Variants in EIF2B5 observed in about 807,000 individuals in gnomAD.
The protein encoded by EIF2B5 is translation initiation factor eIF2B subunit epsilon.
A neutral mutation model predicts 87.3 loss-of-function variants in EIF2B5; 38 were observed. The observed-to-expected ratio is 0.44, with a 90% CI of 0.34 to 0.57. The LOEUF (loss-of-function observed/expected upper bound fraction) is 0.57, where lower values mean the gene tolerates loss of function less well. Among genes scored for constraint, EIF2B5 ranks in the 20% least tolerant of loss-of-function variants. EIF2B5 has a pLI of 0.02. For synonymous variants in EIF2B5, 313 were observed against 339.6 expected, an observed-to-expected ratio of 0.92 and a Z score of 0.86; for missense variants, 784 against 909.5, an observed-to-expected ratio of 0.86 and a Z score of 1.78.
At chr3:184,144,492 G>A (rs569724701) in intron 14 of EIF2B5, 105 bp from the exon 15 acceptor site, 76 of 1,139,224 alleles carry the variant, frequency 6.7e-5, no homozygotes, top group Middle Eastern at 5.5e-4. Flanking sequence ...ACTCTTGTCC[G>A]TTTTGGAGGA....
At chr3:184,138,366 T>C in intron 5 of EIF2B5, 120 bp downstream of exon 5, 2 of 1,026,824 alleles carry the variant, frequency 1.9e-6, no homozygotes, top group Admixed American at 1.9e-5. Context: ...ATTTTTACTT[T>C]TATTTTTTGA....
rs761140018 is a variant in EIF2B5 at position 184,135,509 on chromosome 3, C to T, written c.124C>T (p.Pro42Ser). 3 of 1,585,296 alleles carry T rather than the reference C, an allele frequency of 1.9e-6. No homozygotes were observed. The highest frequency in any genetic ancestry group is 2.7e-5 in the African/African-American group (2 of 74,298). ...ARGAEEEPPPPLQAVLVADSF... is the reference protein window; with the variant it reads ...ARGAEEEPPPSLQAVLVADSF... Reference sequence around the variant, plus strand: ...AGGGGCGGAGGAGGAACCGCCGCCGCCCCTACAAGCAGTTCTGGTGGCCGA... The same window carrying T: ...AGGGGCGGAGGAGGAACCGCCGCCGTCCCTACAAGCAGTTCTGGTGGCCGA... Residue 42 changes from proline (P) to serine (S), a missense_variant, in exon 1 of 16, where the codon CCC becomes TCC. Transcript: ENST00000648915.
chr3:184,135,515 C>CA lies in EIF2B5; in HGVS notation c.132dup (p.Ala45SerfsTer7). ...GGAGGAGGAACCGCCGCCGCCCCTACAAGCAGTTCTGGTGGCCGATAGCTT... is the reference window on the plus strand; with the variant it reads ...GGAGGAGGAACCGCCGCCGCCCCTACAAAGCAGTTCTGGTGGCCGATAGCTT... On this transcript the variant is annotated frameshift_variant, in exon 1 of 16. Transcript: ENST00000648915. LOFTEE classifies it high-confidence loss of function. 1 of 1,588,352 alleles carries CA rather than the reference C, an allele frequency of 6.3e-7. No individual in the cohort carries two copies. Among genetic ancestry groups the CA allele is most frequent in the Non-Finnish European group, 8.6e-7 (1 of 1,168,226 alleles).
rs1056724104 is a variant in EIF2B5, at chr3:184,144,347, C to T, written c.1995+123C>T. ...GTATGGACCATCCACTCCCAATATG[C>T]TTATTGCTAGAATAGTACAGCTTGG... On this transcript the variant is annotated intron_variant, in intron 14 of 15. Transcript: ENST00000648915. The T allele has an allele frequency of 1.2e-5, 18 of 1,483,346 alleles. No homozygotes were observed. In the African/African-American group the frequency reaches 2.2e-4, roughly 18 times the overall value. 91.9% of individuals were successfully genotyped at this position (1,483,346 alleles called of 1,614,324 possible).
Position 184,143,044 on chromosome 3 carries a change from G to C in EIF2B5, c.1655-8G>C. On this transcript the variant is annotated splice_region_variant and splice_polypyrimidine_tract_variant and intron_variant, in intron 11 of 15. Coordinates refer to ENST00000648915, the MANE Select transcript of EIF2B5 (RefSeq NM_003907.3). ...TGGCCCATGAACTTATCCTTGCTTTGATTTCAGTGTTCCAGAATGAAGTTT... is the reference window on the plus strand; with the variant it reads ...TGGCCCATGAACTTATCCTTGCTTTCATTTCAGTGTTCCAGAATGAAGTTT... The C allele has an allele frequency of 6.2e-7, 1 of 1,612,698 alleles. No homozygotes were observed. Among genetic ancestry groups the C allele is most frequent in the Non-Finnish European group, 8.5e-7 (1 of 1,179,410 alleles).
rs1220226200 is a variant in EIF2B5 at position 184,135,413 on chromosome 3, G to C, written c.28G>C (p.Gly10Arg). Reference protein sequence around the residue: MAAPVVAPPGVVVSRANKRS... With the variant: MAAPVVAPPRVVVSRANKRS... ...GGCGGCCCCTGTAGTGGCGCCGCCT[G>C]GTGTGGTGGTTAGTCGGGCTAACAA... The change falls in exon 1 of 16, where the codon GGT becomes CGT. Residue 10 changes from glycine (G) to arginine (R), a missense_variant. Physicochemically the swap from Gly to Arg is moderately radical, Grantham distance 125. Coordinates refer to ENST00000648915, the MANE Select transcript of EIF2B5 (RefSeq NM_003907.3). The C allele has an allele frequency of 6.3e-7, 1 of 1,581,948 alleles. No individual in the cohort carries two copies. Among genetic ancestry groups the C allele is most frequent in the African/African-American group, 1.3e-5 (1 of 74,764 alleles).
At position 184,136,665 on chromosome 3, in the gene EIF2B5, GA is replaced by G; in HGVS notation, c.250del (p.Thr84LeufsTer24). ...TAATTGACTACACTCTGGAATTCCT[GA>G]CTGCCACAGGTGTACAGGAAACATT... is the stretch of plus-strand genomic sequence containing the variant. ...ALIDYTLEFL[T>X]ATGVQETFVF... is the part of the protein sequence containing the mutation. On this transcript the variant is annotated frameshift_variant, in exon 2 of 16. Transcript: ENST00000648915. LOFTEE classifies it high-confidence loss of function. 1.2e-6 allele frequency: 2 copies of G among 1,614,122 alleles called. No individual in the cohort carries two copies. Among genetic ancestry groups the G allele is most frequent in the Non-Finnish European group, 1.7e-6 (2 of 1,180,030 alleles).
At chr3:184,140,260 G>A in intron 6 of EIF2B5, 103 bp downstream of exon 6, 2 of 1,436,992 alleles carry the variant, frequency 1.4e-6, no homozygotes, top group Non-Finnish European at 2.0e-6. Context: ...TGAGGCTTAG[G>A]AGGGAGGAAA....
chr3:184,137,217 C>G, intron 2 of EIF2B5: 2 of 352,312 alleles, frequency 5.7e-6, no homozygotes, highest in Non-Finnish European at 1.1e-5. Flanking sequence ...TTATGGAAGT[C>G]CAGGATGTAA....
rs191351706 is a variant in EIF2B5, at chr3:184,142,242, C to G, written c.1308C>G (p.Val436=). The stretch of plus-strand genomic sequence containing the variant: ...TGTGTTTTTTTTCCCCTTAGGTGGT[C>G]GTGGGCCCAAATATCACGCTGCCTG... The part of the protein sequence containing the change: ...KPRSVLTSQV[V]VGPNITLPEG... The change falls in exon 9 of 16, where the codon GTC becomes GTG. Residue 436 remains valine (V), a synonymous_variant. Transcript: ENST00000648915. This position sits in a 1 kb window ranked among gnomAD's most constrained non-coding sequence, Gnocchi z 5.0. 3 of 1,613,988 alleles carry G rather than the reference C, an allele frequency of 1.9e-6. No homozygotes were observed. Among genetic ancestry groups the G allele is most frequent in the Non-Finnish European group, 2.5e-6 (3 of 1,180,016 alleles).
Position 184,142,761 on chromosome 3 carries a change from C to T in EIF2B5, c.1547-18C>T, listed in dbSNP as rs1229308978. ...ATGACTCTTTTTTTCTTTTTCCTCA[C>T]CCATTATGGCTTCTCAGGACTCAAG... On this transcript the variant is annotated intron_variant, in intron 10 of 15. Coordinates refer to ENST00000648915, the MANE Select transcript of EIF2B5 (RefSeq NM_003907.3). This position sits in a 1 kb window ranked among gnomAD's most constrained non-coding sequence, Gnocchi z 5.0. The T allele has an allele frequency of 1.2e-6, 2 of 1,610,030 alleles. No individual in the cohort carries two copies. Among genetic ancestry groups the T allele is most frequent in the Non-Finnish European group, 1.7e-6 (2 of 1,177,312 alleles).
Position 184,142,886 on chromosome 3 carries a change from G to A in EIF2B5, c.1654G>A (p.Val552Met). Residue 552 changes from valine (V) to methionine (M), a missense_variant and splice_region_variant, in exon 11 of 16, where the codon GTG becomes ATG. Val to Met is a conservative substitution (Grantham distance 21). Around this residue, in one of 3 missense-constraint regions of EIF2B5, gnomAD observed 660 missense variants for 789.5 expected, o/e 0.84. Coordinates refer to ENST00000648915, the MANE Select transcript of EIF2B5 (RefSeq NM_003907.3). This position sits in a 1 kb window ranked among gnomAD's most constrained non-coding sequence, Gnocchi z 5.0. The stretch of plus-strand genomic sequence containing the variant: ...CTCCCCTCAGATGGATGACATCAAA[G>A]GTGAGTGGCAGGGGAGAAATGCGCT... ...GGSPQMDDIK[V>M]FQNEVLGTLQ... 4 of 1,612,962 alleles carry A rather than the reference G, an allele frequency of 2.5e-6. No homozygotes were observed. Among genetic ancestry groups the A allele is most frequent in the Non-Finnish European group, 3.4e-6 (4 of 1,179,432 alleles).
intron 5 of EIF2B5, 34 bp downstream of exon 5, chr3:184,138,280 A>G (rs1171220143): frequency 1.3e-6 from 2 of 1,586,332 alleles, no homozygotes; most frequent in Non-Finnish European, 8.7e-7. Context: ...GCACACCCAA[A>G]GAGTAGAACT....
rs752278225 is a variant in EIF2B5, at chr3:184,140,173, CA to C, written c.843+18del. On this transcript the variant is annotated intron_variant, in intron 6 of 15. Coordinates refer to ENST00000648915, the MANE Select transcript of EIF2B5 (RefSeq NM_003907.3). ...GAATGAGGAGGTGAGAAAAGTCTTC[CA>C]ATGCCTCTTTAGGAGAGAGGAGAAG... 5 of 1,607,382 alleles carry C rather than the reference CA, an allele frequency of 3.1e-6. No individual in the cohort carries two copies. In the Admixed American group the frequency reaches 8.3e-5, roughly 27 times the overall value.
chr3:184,137,897 G>A lies in EIF2B5; in HGVS notation c.507-1G>A. 6.2e-7 allele frequency: 1 copy of A among 1,614,202 alleles called. No individual in the cohort carries two copies. The highest frequency in any genetic ancestry group is 8.5e-7 in the Non-Finnish European group (1 of 1,180,048). On this transcript the variant is annotated splice_acceptor_variant, in intron 3 of 15. Coordinates refer to ENST00000648915, the MANE Select transcript of EIF2B5 (RefSeq NM_003907.3). LOFTEE classifies it high-confidence loss of function. ...AGTTCTGTCCCTCCTGTCCTTTATAGGTTGAGACGGAAGCTAGAAAAAAAT... is the reference window on the plus strand; with the variant it reads ...AGTTCTGTCCCTCCTGTCCTTTATAAGTTGAGACGGAAGCTAGAAAAAAAT...
intron 15 of EIF2B5, 40 bp downstream of exon 15, chr3:184,144,747 C>T: frequency 3.1e-6 from 5 of 1,597,602 alleles, no homozygotes; most frequent in Non-Finnish European, 4.3e-6. Flanking sequence ...ATGGTTATCT[C>T]ATTCCCAGGT....
At position 184,140,530 on chromosome 3, in the gene EIF2B5, A is replaced by G. The variant is rs759376966; in HGVS notation, c.956A>G (p.Tyr319Cys). 4 of 1,614,028 alleles carry G rather than the reference A, an allele frequency of 2.5e-6. No homozygotes were observed. The highest frequency in any genetic ancestry group is 2.2e-5 in the East Asian group (1 of 44,884). ...VCADVIRRWVYPLTPEANFTD... is the reference protein window; with the variant it reads ...VCADVIRRWVCPLTPEANFTD... ...GCTGACGTCATCCGCCGATGGGTCT[A>G]CCCTCTCACCCCAGAGGCGAACTTC... The change falls in exon 7 of 16, where the codon TAC becomes TGC. Residue 319 changes from tyrosine to cysteine, a missense_variant. Around this residue, in one of 3 missense-constraint regions of EIF2B5, gnomAD observed 660 missense variants for 789.5 expected, o/e 0.84. Transcript: ENST00000648915.
chr3:184,141,296 T>A (rs1459302576), intron 7 of EIF2B5, among the ~76,000 whole-genome samples: 1 of 152,122 alleles, frequency 6.6e-6, no homozygotes, highest in African/African-American at 2.4e-5. Flanking sequence ...GGGCTGAGCG[T>A]GGTGGCTCAT....
intron 7 of EIF2B5, chr3:184,141,001 A>G (rs1713609864): frequency 3.7e-6 from 2 of 535,224 alleles, no homozygotes; most frequent in Non-Finnish European, 6.7e-6. Context: ...ATGCAGTAAC[A>G]ACATCTATTT....
Sources: allele counts gnomAD v4.1 joint callset (sites outside exome capture counted in the v4.1 genomes callset), GRCh38; gene constraint gnomAD v4.1.1; regional missense constraint gnomAD v4.1.1; non-coding constraint Gnocchi (gnomAD v3.1); transcripts MANE v1.5; gene names NCBI Gene and HGNC (gene_info 2026-07-23, HGNC 2026-07-21).